Variants in SYT9 observed in about 807,000 individuals in gnomAD.
SYT9 encodes the protein synaptotagmin 9.
A neutral mutation model predicts 48.4 loss-of-function variants in SYT9; 22 were observed. The observed-to-expected ratio is 0.45, with a 90% CI of 0.32 to 0.65. SYT9 has a LOEUF of 0.65. SYT9 is among the 30% of genes least tolerant of loss of function. The pLI is 0.03. For synonymous variants in SYT9, 265 were observed against 245.0 expected, an observed-to-expected ratio of 1.08 and a Z score of -0.76; for missense variants, 577 against 622.0, an observed-to-expected ratio of 0.93 and a Z score of 0.77.
At chr11:7,241,636 A>C (rs2119716003) in intron 1 of SYT9, among the ~76,000 whole-genome samples, 1 of 152,340 alleles carries the variant, frequency 6.6e-6, no homozygotes, top group South Asian at 2.1e-4. Context: ...TTGATTGATT[A>C]GTCAAGTGGG....
chr11:7,300,802 A>T (rs1276232500), intron 1 of SYT9, among the ~76,000 whole-genome samples: 1 of 152,094 alleles, frequency 6.6e-6, no homozygotes, highest in Non-Finnish European at 1.5e-5. Flanking sequence ...CCATCACAGA[A>T]GTCTGCACCA....
intron 1 of SYT9, among the ~76,000 whole-genome samples, chr11:7,286,454 A>T (rs1303756682): frequency 6.6e-6 from 1 of 152,198 alleles, no homozygotes; most frequent in Non-Finnish European, 1.5e-5. Context: ...CCCAGGCCTC[A>T]AGGCCTGTGA....
intron 3 of SYT9, among the ~76,000 whole-genome samples, chr11:7,400,144 G>A (rs1298053038): frequency 6.6e-6 from 1 of 152,222 alleles, no homozygotes; most frequent in African/African-American, 2.4e-5. Flanking sequence ...CATGCTAGCA[G>A]CAGTGAGCAG....
intron 3 of SYT9, among the ~76,000 whole-genome samples, chr11:7,406,002 G>C (rs190779854): frequency 9.0e-4 from 137 of 152,246 alleles, no homozygotes; most frequent in Admixed American, 4.7e-3. Context: ...ACAAGACAGA[G>C]AAAGTTTCTG....
intron 3 of SYT9, among the ~76,000 whole-genome samples, chr11:7,415,397 G>C (rs1311801342): frequency 6.6e-6 from 1 of 152,176 alleles, no homozygotes; most frequent in Non-Finnish European, 1.5e-5. Context: ...TATGCAGCCA[G>C]GGTGTGTGCT....
intron 1 of SYT9, among the ~76,000 whole-genome samples, chr11:7,298,030 G>A (rs547785344): frequency 4.6e-5 from 7 of 152,146 alleles, no homozygotes; most frequent in African/African-American, 9.6e-5. Context: ...GATGCTCAGC[G>A]GACCCCTATC....
At chr11:7,273,423 G>A (rs150168086) in intron 1 of SYT9, among the ~76,000 whole-genome samples, 203 of 152,066 alleles carry the variant, frequency 1.3e-3, no homozygotes, top group African/African-American at 4.6e-3. Flanking sequence ...AGGAATTATG[G>A]CCCAACTATA....
At chr11:7,410,366 G>A (rs969309648) in intron 3 of SYT9, among the ~76,000 whole-genome samples, 14 of 152,190 alleles carry the variant, frequency 9.2e-5, no homozygotes, top group African/African-American at 2.9e-4. Flanking sequence ...GGTCTAAAGT[G>A]TAGTTTAAAT....
intron 3 of SYT9, among the ~76,000 whole-genome samples, chr11:7,358,440 GATT>G (rs1043717837): frequency 6.6e-6 from 1 of 152,052 alleles, no homozygotes; most frequent in Non-Finnish European, 1.5e-5. Context: ...TCTTCCAGCT[GATT>G]ATTATTTTTC....
intron 6 of SYT9, among the ~76,000 whole-genome samples, chr11:7,424,743 G>A (rs1847422175): frequency 6.6e-6 from 1 of 152,176 alleles, no homozygotes; most frequent in South Asian, 2.1e-4. Flanking sequence ...AAACACCAAA[G>A]TTCTACTCAA....
chr11:7,458,279 G>A (rs138555141), intron 6 of SYT9, among the ~76,000 whole-genome samples: 1,994 of 152,234 alleles, frequency 0.013, 42 homozygotes, highest in African/African-American at 0.045. Flanking sequence ...TCAGGAGTTC[G>A]AGACTAGACT....
chr11:7,405,603 C>T (rs1367627743), intron 3 of SYT9, among the ~76,000 whole-genome samples: 1 of 152,124 alleles, frequency 6.6e-6, no homozygotes, highest in Non-Finnish European at 1.5e-5. Context: ...AAACAATGCT[C>T]AAATACCACA....
intron 2 of SYT9, among the ~76,000 whole-genome samples, chr11:7,311,345 G>A (rs1849130120): frequency 6.6e-6 from 1 of 152,144 alleles, no homozygotes; most frequent in East Asian, 1.9e-4. Flanking sequence ...AACCACTATG[G>A]TAGATTTAGT....
intron 1 of SYT9, among the ~76,000 whole-genome samples, chr11:7,293,285 G>T (rs181615223): frequency 6.6e-6 from 1 of 152,094 alleles, no homozygotes; most frequent in Admixed American, 6.5e-5. Flanking sequence ...AAAAAAAATT[G>T]CATTTAATGC....
chr11:7,298,180 A>G (rs1848848158), intron 1 of SYT9, among the ~76,000 whole-genome samples: 1 of 151,834 alleles, frequency 6.6e-6, no homozygotes, highest in African/African-American at 2.4e-5. Context: ...CATATCTTTC[A>G]TTTAAATTTC....
At chr11:7,391,765 A>AAAAAAAAAAAAAAAAAAG (rs1846620341) in intron 3 of SYT9, among the ~76,000 whole-genome samples, 1 of 123,656 alleles carries the variant, frequency 8.1e-6, no homozygotes, top group Non-Finnish European at 1.8e-5. Context: ...AAAAAAAAAA[A>AAAAAAAAAAAAAAAAAAG]CCTAGCTAGG....
At chr11:7,246,294 G>A (rs1847790674) in intron 1 of SYT9, among the ~76,000 whole-genome samples, 1 of 152,138 alleles carries the variant, frequency 6.6e-6, no homozygotes, top group Non-Finnish European at 1.5e-5. Context: ...TCTATGCCAC[G>A]ACAAGTACAA....
At chr11:7,375,485 G>T (rs1850436135) in intron 3 of SYT9, among the ~76,000 whole-genome samples, 1 of 152,140 alleles carries the variant, frequency 6.6e-6, no homozygotes, top group East Asian at 1.9e-4. Context: ...GGATGGCATT[G>T]AATCTCTAAA....
intron 3 of SYT9, among the ~76,000 whole-genome samples, chr11:7,386,947 A>G (rs973043732): frequency 1.3e-5 from 2 of 152,210 alleles, no homozygotes; most frequent in African/African-American, 4.8e-5. Context: ...GCACATATAC[A>G]CCATGGAATA....
Sources: gnomAD v4.1 joint callset for allele counts (sites outside exome capture counted in the v4.1 genomes callset) on GRCh38, gnomAD v4.1.1 for gene constraint, MANE v1.5 for transcripts, NCBI Gene and HGNC (gene_info 2026-07-23, HGNC 2026-07-21) for gene names.